The following LGALSL variants were observed in gnomAD, a reference collection of about 807,000 sequenced individuals.
LGALSL encodes the protein galectin like.
Under a neutral mutation model 19.5 loss-of-function variants are expected in LGALSL, and 13 were observed. The ratio of observed to expected loss-of-function variants is 0.67; its 90% CI spans 0.43 to 1.06. LGALSL has a LOEUF of 1.06. Among genes scored for constraint, LGALSL ranks in the 50% least tolerant of loss-of-function variants. The probability of loss-of-function intolerance (pLI) is 0.00; values close to 1 mark genes in which losing one functional copy is unlikely to be tolerated. For missense variants in LGALSL, 189 were observed against 219.3 expected (o/e 0.86, Z 0.87); for synonymous variants, 86 against 78.3 (o/e 1.10, Z -0.52).
At chr2:64,458,190 T>G in intron 4 of LGALSL, 95 bp from the exon 5 acceptor site, 1 of 1,178,168 alleles carries the variant, frequency 8.5e-7, no homozygotes, top group South Asian at 1.4e-5. Context: ...TGTGAACCAC[T>G]GAAGATACTG....
chr2:64,454,545 G>A lies in LGALSL; in HGVS notation c.-1G>A. The A allele has an allele frequency of 6.9e-7, 1 of 1,445,488 alleles. No individual in the cohort carries two copies. The allele number at this position is 1,445,488 out of a possible 1,614,324, so 89.5% of individuals were successfully genotyped here. ...CGTACCCCGCCGCGCCGGGCAAGAAGATGGCGGGATCAGTGGCCGACAGCG... is the reference window on the plus strand; with the variant it reads ...CGTACCCCGCCGCGCCGGGCAAGAAAATGGCGGGATCAGTGGCCGACAGCG... On this transcript the variant is annotated 5_prime_UTR_variant, in exon 1 of 5. Transcript: ENST00000238875. The surrounding 1 kb of genome is among the most constrained non-coding windows in gnomAD (Gnocchi z 5.1).
At chr2:64,458,246 G>A (rs369183712) in intron 4 of LGALSL, 39 bp from the exon 5 acceptor site, 41 of 1,595,304 alleles carry the variant, frequency 2.6e-5, no homozygotes, top group African/African-American at 9.4e-5. Context: ...CCCCAGTAGC[G>A]TTCATTGAAA....
At chr2:64,457,417 C>T (rs1028225340) in intron 4 of LGALSL, among the ~76,000 whole-genome samples, 4 of 147,514 alleles carry the variant, frequency 2.7e-5, no homozygotes, top group Non-Finnish European at 4.5e-5. Flanking sequence ...GAGCAAGGCT[C>T]TGTCAAAAAA....
chr2:64,460,162 C>G lies in LGALSL; in HGVS notation c.*1734C>G, dbSNP rs1156714143. ...ATAGGTGATACATTTGGATTCTTCT[C>G]AACTTTGAAACTGTTTAGCACAGTT... On this transcript the variant is annotated 3_prime_UTR_variant, in exon 5 of 5. Coordinates refer to ENST00000238875, the MANE Select transcript of LGALSL (RefSeq NM_014181.3). 6.6e-6 allele frequency: 1 copy of G among 152,142 alleles called. No homozygotes were observed. The highest frequency in any genetic ancestry group is 1.5e-5 in the Non-Finnish European group (1 of 68,030). The allele number at this position is 152,142 out of a possible 1,614,324, so 9.4% of individuals were successfully genotyped here. A position where few individuals can be genotyped will look rare whatever the true frequency, so the allele number is the denominator to read the frequency against.
chr2:64,454,902 C>T lies in LGALSL; in HGVS notation c.36+321C>T, dbSNP rs1464796192. 6.6e-6 allele frequency among the ~76,000 whole-genome samples: 1 copy of T among 151,996 alleles called. No homozygotes were observed. The highest frequency in any genetic ancestry group is 1.5e-5 in the Non-Finnish European group (1 of 67,946). ...GTGAGTGTGTCCGGGGCGCGCGCCC[C>T]GCCACCGCCCCCGACGTACCGGGGA... On this transcript the variant is annotated intron_variant, in intron 1 of 4. Coordinates refer to ENST00000238875, the MANE Select transcript of LGALSL (RefSeq NM_014181.3). This position sits in a 1 kb window ranked among gnomAD's most constrained non-coding sequence, Gnocchi z 5.1.
Position 64,458,465 on chromosome 2 carries a change from A to G in LGALSL, c.*37A>G. On this transcript the variant is annotated 3_prime_UTR_variant, in exon 5 of 5. Transcript: ENST00000238875. Reference sequence around the variant, plus strand: ...TCTATTTCAAATAGGATCACGTGCCACAACTATCTGACTGTTGGTCTGGAA... The same window carrying G: ...TCTATTTCAAATAGGATCACGTGCCGCAACTATCTGACTGTTGGTCTGGAA... 6.3e-7 allele frequency: 1 copy of G among 1,592,328 alleles called. No homozygotes were observed. Among genetic ancestry groups the G allele is most frequent in the East Asian group, 2.2e-5 (1 of 44,546 alleles).
At position 64,454,213 on chromosome 2, in the gene LGALSL, C is replaced by T. The variant is rs1046671327; in HGVS notation, c.-333C>T. 6 of 395,028 alleles carry T rather than the reference C, an allele frequency of 1.5e-5. No individual in the cohort carries two copies. The highest frequency in any genetic ancestry group is 1.0e-4 in the African/African-American group (5 of 48,382). 24.5% of individuals were successfully genotyped at this position (395,028 alleles called of 1,614,324 possible). On this transcript the variant is annotated 5_prime_UTR_variant, in exon 1 of 5. Coordinates refer to ENST00000238875, the MANE Select transcript of LGALSL (RefSeq NM_014181.3). The surrounding 1 kb of genome is among the most constrained non-coding windows in gnomAD (Gnocchi z 5.1). ...GAGGCCTTTAAATGCTGCCCAGGGC[C>T]GACGCGGCACGGCCCTCGCCACTTT...
At chr2:64,457,269 A>C (rs1184089940) in intron 4 of LGALSL, among the ~76,000 whole-genome samples, 1 of 151,990 alleles carries the variant, frequency 6.6e-6, no homozygotes, top group Non-Finnish European at 1.5e-5. Flanking sequence ...TTTAAAAAAA[A>C]AAAAATTAGC....
At position 64,458,551 on chromosome 2, in the gene LGALSL, C is replaced by T; in HGVS notation, c.*123C>T. The T allele has an allele frequency of 1.0e-6, 1 of 1,000,284 alleles. No homozygotes were observed. The highest frequency in any genetic ancestry group is 1.4e-6 in the Non-Finnish European group (1 of 692,120). The allele number at this position is 1,000,284 out of a possible 1,614,324, so 62.0% of individuals were successfully genotyped here. A position where few individuals can be genotyped will look rare whatever the true frequency, so the allele number is the denominator to read the frequency against. ...AAACAAAAACAAATGGCAAGTTTCA[C>T]TTAAGGGTGGTTTGCCCTTAAGAAG... On this transcript the variant is annotated 3_prime_UTR_variant, in exon 5 of 5. Transcript: ENST00000238875.
At position 64,456,370 on chromosome 2, in the gene LGALSL, C is replaced by G; in HGVS notation, c.280C>G (p.Arg94Gly). The G allele has an allele frequency of 6.2e-7, 1 of 1,612,016 alleles. No individual in the cohort carries two copies. The highest frequency in any genetic ancestry group is 1.1e-5 in the South Asian group (1 of 90,690). ...CGAACTCAAAGCTGTGTTCACAGAT[C>G]GGCAGCTACTCAGAAATTCTTGTAT... Reference protein sequence around the residue: ...AIELKAVFTDRQLLRNSCISG... With the variant: ...AIELKAVFTDGQLLRNSCISG... Residue 94 changes from arginine to glycine, a missense_variant, in exon 4 of 5, where the codon CGG becomes GGG. Coordinates refer to ENST00000238875, the MANE Select transcript of LGALSL (RefSeq NM_014181.3).
In LGALSL at chr2:64,454,754, G is replaced by A. The variant is rs1027567217; in HGVS notation, c.36+173G>A. Among the ~76,000 whole-genome samples, 3 of 152,094 alleles carry A rather than the reference G, an allele frequency of 2.0e-5. No individual in the cohort carries two copies. The highest frequency in any genetic ancestry group is 2.0e-4 in the Admixed American group (3 of 15,280). On this transcript the variant is annotated intron_variant, in intron 1 of 4. Transcript: ENST00000238875. The surrounding 1 kb of genome is among the most constrained non-coding windows in gnomAD (Gnocchi z 5.1). The stretch of plus-strand genomic sequence containing the variant: ...GCTGGCTGCGCGCGGCCGGTGTTAG[G>A]GGCTGGAGAGGCTCCCGGGCTGCGG...
In LGALSL at chr2:64,454,660, G is replaced by A; in HGVS notation, c.36+79G>A. 1 of 1,055,426 alleles carries A rather than the reference G, an allele frequency of 9.5e-7. No individual in the cohort carries two copies. The highest frequency in any genetic ancestry group is 3.9e-5 in the South Asian group (1 of 25,678). The allele number at this position is 1,055,426 out of a possible 1,614,324, so 65.4% of individuals were successfully genotyped here. The stretch of plus-strand genomic sequence containing the variant: ...CCGCCGCCTGCTCCAGCAGTGCTGG[G>A]GTGCTGAGCAGCCGCAGGCCCGGCC... On this transcript the variant is annotated intron_variant, in intron 1 of 4. Coordinates refer to ENST00000238875, the MANE Select transcript of LGALSL (RefSeq NM_014181.3). The surrounding 1 kb of genome is among the most constrained non-coding windows in gnomAD (Gnocchi z 5.1).
At chr2:64,457,496 A>C in intron 4 of LGALSL, among the ~76,000 whole-genome samples, 1 of 152,202 alleles carries the variant, frequency 6.6e-6, no homozygotes, top group Non-Finnish European at 1.5e-5. Context: ...ATGAATTGTC[A>C]TTACACCTTA....
Position 64,461,352 on chromosome 2 carries a change from T to G in LGALSL, c.*2924T>G, listed in dbSNP as rs771643288. On this transcript the variant is annotated 3_prime_UTR_variant, in exon 5 of 5. Transcript: ENST00000238875. ...CATTATGTCACTGCTGAAAGTAATT[T>G]GCACTATAATAAAGGAATTTTCTAC... 3 of 152,256 alleles carry G rather than the reference T, an allele frequency of 2.0e-5. No homozygotes were observed. The highest frequency in any genetic ancestry group is 2.9e-5 in the Non-Finnish European group (2 of 68,044). The allele number at this position is 152,256 out of a possible 1,614,324, so 9.4% of individuals were successfully genotyped here.
In LGALSL at chr2:64,461,100, C is replaced by T. The variant is rs184055896; in HGVS notation, c.*2672C>T. 6.6e-6 allele frequency: 1 copy of T among 152,078 alleles called. No individual in the cohort carries two copies. The highest frequency in any genetic ancestry group is 1.5e-5 in the Non-Finnish European group (1 of 68,014). The allele number at this position is 152,078 out of a possible 1,614,324, so 9.4% of individuals were successfully genotyped here. ...CTTGCCGACCTTAGTTCAAAGCCCCCTGAGAGATCACTTTTAGAATTGAGG... is the reference window on the plus strand; with the variant it reads ...CTTGCCGACCTTAGTTCAAAGCCCCTTGAGAGATCACTTTTAGAATTGAGG... On this transcript the variant is annotated 3_prime_UTR_variant, in exon 5 of 5. Coordinates refer to ENST00000238875, the MANE Select transcript of LGALSL (RefSeq NM_014181.3).
In LGALSL at chr2:64,458,658, TA is replaced by T. The variant is rs1686773441; in HGVS notation, c.*234del. 2.6e-6 allele frequency: 1 copy of T among 384,382 alleles called. No homozygotes were observed. Among genetic ancestry groups the T allele is most frequent in the East Asian group, 4.0e-5 (1 of 25,292 alleles). The allele number at this position is 384,382 out of a possible 1,614,324, so 23.8% of individuals were successfully genotyped here. A position where few individuals can be genotyped will look rare whatever the true frequency, so the allele number is the denominator to read the frequency against. On this transcript the variant is annotated 3_prime_UTR_variant, in exon 5 of 5. Coordinates refer to ENST00000238875, the MANE Select transcript of LGALSL (RefSeq NM_014181.3). The stretch of plus-strand genomic sequence containing the variant: ...ATGCTGGATTTTATTCAGACCAAAC[TA>T]AAATGGATTTGTGATGATTTGTGAT...
At position 64,454,994 on chromosome 2, in the gene LGALSL, A is replaced by G. The variant is rs1686709676; in HGVS notation, c.37-350A>G. On this transcript the variant is annotated intron_variant, in intron 1 of 4. Transcript: ENST00000238875. This position sits in a 1 kb window ranked among gnomAD's most constrained non-coding sequence, Gnocchi z 5.1. ...AAGTTGAGCACGGCCGCTGCACTTC[A>G]GTCACGTCCCGAAGGACAGGCCTGG... 6.6e-6 allele frequency among the ~76,000 whole-genome samples: 1 copy of G among 152,102 alleles called. No individual in the cohort carries two copies. Among genetic ancestry groups the G allele is most frequent in the East Asian group, 1.9e-4 (1 of 5,176 alleles).
At chr2:64,456,200 A>T (rs1686733268) in intron 3 of LGALSL, 88 bp from the exon 4 acceptor site, 1 of 1,201,726 alleles carries the variant, frequency 8.3e-7, no homozygotes, top group Admixed American at 2.1e-5. Context: ...GGACAAACCC[A>T]GAGGAGGAAG....
chr2:64,455,579 C>T lies in LGALSL; in HGVS notation c.109-10C>T, dbSNP rs1288429057. 11 of 1,612,360 alleles carry T rather than the reference C, an allele frequency of 6.8e-6. No individual in the cohort carries two copies. Among genetic ancestry groups the T allele is most frequent in the Non-Finnish European group, 2.5e-6 (3 of 1,178,362 alleles). ...TGTAAAATTCATTTTTCTTCTCCCA[C>T]CCTTTTCAGATAGTTCCATTTTGTG... On this transcript the variant is annotated splice_polypyrimidine_tract_variant and intron_variant, in intron 2 of 4. Coordinates refer to ENST00000238875, the MANE Select transcript of LGALSL (RefSeq NM_014181.3).
Sources: gnomAD v4.1 joint callset for allele counts (sites outside exome capture counted in the v4.1 genomes callset) on GRCh38, gnomAD v4.1.1 for gene constraint, Gnocchi (gnomAD v3.1) non-coding constraint, MANE v1.5 for transcripts, NCBI Gene and HGNC (gene_info 2026-07-23, HGNC 2026-07-21) for gene names.